Variants in ZNF521 observed in about 807,000 individuals in gnomAD.
ZNF521 encodes the protein LYST-interacting protein 3.
ZNF521 carries 14 observed loss-of-function variants against 105.5 expected under a neutral mutation model. The ratio of observed to expected loss-of-function variants is 0.13; its 90% CI spans 0.09 to 0.21. ZNF521 has a LOEUF of 0.21. Ranked by LOEUF, ZNF521 falls within the 10% of genes least tolerant of loss-of-function variation. The pLI, the probability that ZNF521 is intolerant of heterozygous loss-of-function variation, is 1.00. For missense variants in ZNF521, 1,233 were observed against 1,629.7 expected (o/e 0.76, Z 4.19); for synonymous variants, 635 against 606.0 (o/e 1.05, Z -0.70).
At chr18:25,111,220 T>G (rs938368846) in intron 5 of ZNF521, among the ~76,000 whole-genome samples, 1 of 152,144 alleles carries the variant, frequency 6.6e-6, no homozygotes, top group Non-Finnish European at 1.5e-5. Flanking sequence ...CCTGCAAAGT[T>G]TTCTTTATTT....
chr18:25,279,809 T>G lies in ZNF521; in HGVS notation c.220+42199A>C, dbSNP rs1289690287. On this transcript the variant is annotated intron_variant, in intron 3 of 7. Coordinates refer to ENST00000361524, the MANE Select transcript of ZNF521 (RefSeq NM_015461.3). ...TGAGCTCTGCTTTTGTGGTTTATAA[T>G]GTCACCAGAACCCTCCATGGAATTA... 2.0e-5 allele frequency among the ~76,000 whole-genome samples: 3 copies of G among 152,180 alleles called. No homozygotes were observed. In the East Asian group the frequency reaches 5.8e-4, roughly 29 times the overall value.
At chr18:25,143,986 T>C (rs967850810) in intron 5 of ZNF521, among the ~76,000 whole-genome samples, 1 of 152,204 alleles carries the variant, frequency 6.6e-6, no homozygotes, top group African/African-American at 2.4e-5. Flanking sequence ...GCCATAGACC[T>C]CTCTGTCTCT....
chr18:25,159,261 A>G (rs1328575330), intron 5 of ZNF521, among the ~76,000 whole-genome samples: 1 of 152,174 alleles, frequency 6.6e-6, no homozygotes, highest in East Asian at 1.9e-4. Flanking sequence ...AAAGTGAGGT[A>G]AACAGTTTCT....
rs1906231009 is a variant in ZNF521, at chr18:25,227,345, G to C, written c.573C>G (p.Ile191Met). Residue 191 changes from isoleucine (I) to methionine (M), a missense_variant, in exon 4 of 8, where the codon ATC (isoleucine) becomes ATG (methionine). By Grantham distance (10) the Ile-to-Met change is conservative. Around this residue, in one of 6 missense-constraint regions of ZNF521, gnomAD observed 85 missense variants for 162.2 expected, o/e 0.52. Coordinates refer to ENST00000361524, the MANE Select transcript of ZNF521 (RefSeq NM_015461.3). The surrounding 1 kb of genome is among the most constrained non-coding windows in gnomAD (Gnocchi z 5.7). The stretch of plus-strand genomic sequence containing the variant: ...TGTTGGACGTGTGAGTCTTTAAGTG[G>C]ATCTTCAAGTGATCACTTCTGGAAA... ...AAFSRSDHLKIHLKTHTSNKP... is the reference protein window; with the variant it reads ...AAFSRSDHLKMHLKTHTSNKP... The C allele has an allele frequency of 6.2e-7, 1 of 1,613,998 alleles. No homozygotes were observed. Among genetic ancestry groups the C allele is most frequent in the African/African-American group, 1.3e-5 (1 of 74,892 alleles).
At chr18:25,081,429 A>G (rs2033493649) in intron 7 of ZNF521, among the ~76,000 whole-genome samples, 1 of 152,214 alleles carries the variant, frequency 6.6e-6, no homozygotes, top group South Asian at 2.1e-4. Flanking sequence ...TGCTGTAGAA[A>G]CAATTCAAAT....
At chr18:25,317,004 G>A (rs993061081) in intron 3 of ZNF521, among the ~76,000 whole-genome samples, 10 of 152,052 alleles carry the variant, frequency 6.6e-5, no homozygotes, top group South Asian at 4.2e-4. Flanking sequence ...ACAGGCGTGC[G>A]CCACTATGCC....
chr18:25,280,900 G>A (rs1159599483), intron 3 of ZNF521, among the ~76,000 whole-genome samples: 1 of 152,050 alleles, frequency 6.6e-6, no homozygotes, highest in African/African-American at 2.4e-5. Context: ...CTAAATACAA[G>A]GGCTCATGAC....
At chr18:25,120,598 A>G (rs1332307013) in intron 5 of ZNF521, among the ~76,000 whole-genome samples, 1 of 141,340 alleles carries the variant, frequency 7.1e-6, no homozygotes, top group African/African-American at 2.9e-5. Flanking sequence ...AAAAAAAAAA[A>G]AAAACCACAA....
intron 3 of ZNF521, among the ~76,000 whole-genome samples, chr18:25,317,676 C>T (rs1201132756): frequency 1.3e-5 from 2 of 152,144 alleles, no homozygotes; most frequent in Non-Finnish European, 2.9e-5. Flanking sequence ...TGGCATCTTA[C>T]TAATCATCTG....
intron 7 of ZNF521, among the ~76,000 whole-genome samples, chr18:25,088,447 C>A (rs1034850631): frequency 6.6e-6 from 1 of 151,896 alleles, no homozygotes; most frequent in Non-Finnish European, 1.5e-5. Flanking sequence ...TATCGATCTC[C>A]TGACCTCGTG....
At position 25,178,338 on chromosome 18, in the gene ZNF521, C is replaced by T. The variant is rs115482529; in HGVS notation, c.3658+16822G>A. On this transcript the variant is annotated intron_variant, in intron 5 of 7. Transcript: ENST00000361524. ...CTGAGGCACATATGTTTTCATGTAT[C>T]GCAGGGTCTGTGATTCTGGGTTCCA... is the stretch of plus-strand genomic sequence containing the variant. 9.3e-3 allele frequency among the ~76,000 whole-genome samples: 1,415 copies of T among 152,262 alleles called. 25 individuals are homozygous for T. The highest frequency in any genetic ancestry group is 0.032 in the African/African-American group (1,346 of 41,532).
intron 5 of ZNF521, among the ~76,000 whole-genome samples, chr18:25,130,240 A>G (rs549234941): frequency 6.6e-6 from 1 of 152,358 alleles, no homozygotes; most frequent in East Asian, 1.9e-4. Flanking sequence ...CCAGTCTGAA[A>G]AGCTACATCC....
chr18:25,207,775 T>A (rs944894589), intron 4 of ZNF521, among the ~76,000 whole-genome samples: 9 of 152,294 alleles, frequency 5.9e-5, no homozygotes, highest in Non-Finnish European at 1.3e-4. Flanking sequence ...AACCTCTTAG[T>A]TCCCCTTCAG....
intron 5 of ZNF521, among the ~76,000 whole-genome samples, chr18:25,164,739 C>T (rs1359181311): frequency 1.3e-5 from 2 of 152,202 alleles, no homozygotes; most frequent in Non-Finnish European, 2.9e-5. Context: ...ACTGCTGCCC[C>T]TCCCTGGGCA....
At chr18:25,327,028 T>G (rs1207042048) in intron 2 of ZNF521, among the ~76,000 whole-genome samples, 1 of 151,786 alleles carries the variant, frequency 6.6e-6, no homozygotes, top group Non-Finnish European at 1.5e-5. Flanking sequence ...AAAAAACAAG[T>G]CTTAGCTTCA....
At chr18:25,160,785 T>C (rs543845391) in intron 5 of ZNF521, among the ~76,000 whole-genome samples, 1 of 152,214 alleles carries the variant, frequency 6.6e-6, no homozygotes, top group East Asian at 1.9e-4. Flanking sequence ...AGAGATGACA[T>C]TTGGGGAGGT....
In ZNF521 at chr18:25,113,063, C is replaced by T. The variant is rs570467149; in HGVS notation, c.3659-20982G>A. ...ACCATGCTGGCCATTCTAATGAAAT[C>T]GGCATAGGGGAAAGGGCCTGATTTG... On this transcript the variant is annotated intron_variant, in intron 5 of 7. Transcript: ENST00000361524. Among the ~76,000 whole-genome samples, 21 of 128,264 alleles carry T rather than the reference C, an allele frequency of 1.6e-4. No homozygotes were observed. The South Asian group carries it at 3.9e-3, about 24-fold the overall frequency. 84.1% of individuals were successfully genotyped at this position (128,264 alleles called of 152,430 possible).
chr18:25,150,517 T>C (rs1286160944), intron 5 of ZNF521, among the ~76,000 whole-genome samples: 1 of 152,138 alleles, frequency 6.6e-6, no homozygotes, highest in Admixed American at 6.5e-5. Flanking sequence ...AACCAGGACA[T>C]ATAAGCAGTG....
chr18:25,141,819 A>G (rs2034853443), intron 5 of ZNF521, among the ~76,000 whole-genome samples: 1 of 152,242 alleles, frequency 6.6e-6, no homozygotes, highest in Admixed American at 6.5e-5. Flanking sequence ...AATAAGCCCC[A>G]GTTTTCCAAT....
Sources: gnomAD v4.1 joint callset for allele counts (sites outside exome capture counted in the v4.1 genomes callset) on GRCh38, gnomAD v4.1.1 for gene constraint, gnomAD v4.1.1 regional missense constraint, Gnocchi (gnomAD v3.1) non-coding constraint, MANE v1.5 for transcripts, NCBI Gene and HGNC (gene_info 2026-07-23, HGNC 2026-07-21) for gene names.